Variants in CCDC150 observed in about 807,000 individuals in gnomAD.
The protein encoded by CCDC150 is coiled-coil domain containing 150.
Under a neutral mutation model 156.5 loss-of-function variants are expected in CCDC150, and 151 were observed. The ratio of observed to expected loss-of-function variants is 0.97; its 90% CI spans 0.85 to 1.10. CCDC150 has a LOEUF of 1.10. CCDC150 is among the 50% of genes least tolerant of loss of function. The probability of loss-of-function intolerance (pLI) is 0.00; values close to 1 mark genes in which losing one functional copy is unlikely to be tolerated. For missense variants in CCDC150, 1,312 were observed against 1,268.1 expected (o/e 1.03, Z -0.53); for synonymous variants, 452 against 429.4 (o/e 1.05, Z -0.65).
At chr2:196,668,015 AGGGGTTGAGCGT>A (rs1384819474) in intron 7 of CCDC150, 1 of 152,184 alleles carries the variant, frequency 6.6e-6, no homozygotes, top group Non-Finnish European at 1.5e-5. Context: ...AAGATACAAA[AGGGGTTGAGCGT>A]GGTGGCTCAG....
chr2:196,674,259 A>C lies in CCDC150; in HGVS notation c.1048A>C (p.Thr350Pro). Reference protein sequence around the residue: ...EKAQVLNDQLTKKCSELSCML... With the variant: ...EKAQVLNDQLPKKCSELSCML... Reference sequence around the variant, plus strand: ...TTCTTAGGTTTTGAATGACCAATTGACTAAAAAGTGTTCAGAGTTGAGCTG... The same window carrying C: ...TTCTTAGGTTTTGAATGACCAATTGCCTAAAAAGTGTTCAGAGTTGAGCTG... The change falls in exon 10 of 28, where the codon ACT becomes CCT. Residue 350 changes from threonine to proline, a missense_variant. Transcript: ENST00000389175. The C allele has an allele frequency of 6.3e-7, 1 of 1,598,494 alleles. No homozygotes were observed. Among genetic ancestry groups the C allele is most frequent in the Non-Finnish European group, 8.5e-7 (1 of 1,171,680 alleles).
chr2:196,674,613 C>T (rs553233331), intron 10 of CCDC150, among the ~76,000 whole-genome samples: 20 of 150,976 alleles, frequency 1.3e-4, no homozygotes, highest in African/African-American at 3.7e-4. Context: ...ATGGAGAACA[C>T]GTATGACTAA....
intron 10 of CCDC150, 103 bp from the exon 11 acceptor site, chr2:196,676,040 G>A: frequency 9.2e-7 from 1 of 1,084,898 alleles, no homozygotes; most frequent in Non-Finnish European, 1.3e-6. Flanking sequence ...AATGAAACTT[G>A]TTTTTTTAAG....
chr2:196,656,515 T>C (rs892831997), intron 2 of CCDC150, 118 bp from the exon 3 acceptor site: 3 of 693,824 alleles, frequency 4.3e-6, no homozygotes, highest in Admixed American at 2.6e-5. Context: ...CCTGCCATGT[T>C]GGTGATGTCA....
At chr2:196,689,871 T>A (rs896962427) in intron 13 of CCDC150, among the ~76,000 whole-genome samples, 2 of 152,228 alleles carry the variant, frequency 1.3e-5, no homozygotes, top group African/African-American at 2.4e-5. Flanking sequence ...AGTATGATAT[T>A]GGCTGTGGGT....
At chr2:196,728,377 G>A (rs1698332452) in intron 22 of CCDC150, among the ~76,000 whole-genome samples, 1 of 152,134 alleles carries the variant, frequency 6.6e-6, no homozygotes, top group Non-Finnish European at 1.5e-5. Flanking sequence ...AGAGAGAAAA[G>A]GTACAGATAT....
rs186726759 is a variant in CCDC150 at position 196,698,772 on chromosome 2, G to A, written c.1624-2337G>A. 1.1e-3 allele frequency among the ~76,000 whole-genome samples: 166 copies of A among 152,258 alleles called. No homozygotes were observed. In the East Asian group the frequency reaches 0.019, roughly 18 times the overall value. ...TGTTATATATGTATACATGTGCCAC[G>A]TTGGTGTGCTGCACCCATTAACTCG... is the stretch of plus-strand genomic sequence containing the variant. On this transcript the variant is annotated intron_variant, in intron 14 of 27. Coordinates refer to ENST00000389175, the MANE Select transcript of CCDC150 (RefSeq NM_001080539.2).
chr2:196,712,949 AT>A (rs1266794672), intron 17 of CCDC150: 1 of 539,326 alleles, frequency 1.9e-6, no homozygotes, highest in African/African-American at 1.9e-5. Context: ...TCATTAGGTT[AT>A]TTTTTAAATC....
chr2:196,688,623 C>T (rs1695256663), intron 13 of CCDC150, among the ~76,000 whole-genome samples: 1 of 152,030 alleles, frequency 6.6e-6, no homozygotes, highest in Non-Finnish European at 1.5e-5. Flanking sequence ...TGTTTGAGTT[C>T]ACTGTAGATT....
At chr2:196,643,851 A>G (rs1030511930) in intron 1 of CCDC150, among the ~76,000 whole-genome samples, 3 of 152,262 alleles carry the variant, frequency 2.0e-5, no homozygotes, top group East Asian at 1.9e-4. Context: ...TGGGCCTACT[A>G]TATGTAGAAG....
Position 196,695,106 on chromosome 2 carries a change from G to A in CCDC150, c.1570G>A (p.Ala524Thr), listed in dbSNP as rs1353388287. Reference protein sequence around the residue: ...QTLEEENKHLADQMASLELQQ... With the variant: ...QTLEEENKHLTDQMASLELQQ... Reference sequence around the variant, plus strand: ...TCTTGAAGAAGAGAATAAGCACCTGGCAGATCAAATGGCTTCCCTAGAACT... The same window carrying A: ...TCTTGAAGAAGAGAATAAGCACCTGACAGATCAAATGGCTTCCCTAGAACT... The change falls in exon 14 of 28, where the codon GCA becomes ACA. Residue 524 changes from alanine (A) to threonine (T), a missense_variant. Physicochemically the swap from Ala to Thr is moderately conservative, Grantham distance 58 (BLOSUM62 0). Transcript: ENST00000389175. 1 of 1,612,980 alleles carries A rather than the reference G, an allele frequency of 6.2e-7. No individual in the cohort carries two copies. Among genetic ancestry groups the A allele is most frequent in the Admixed American group, 1.7e-5 (1 of 59,964 alleles).
intron 17 of CCDC150, among the ~76,000 whole-genome samples, chr2:196,715,157 T>C (rs1490156099): frequency 6.6e-6 from 1 of 152,140 alleles, no homozygotes; most frequent in African/African-American, 2.4e-5. Flanking sequence ...TAGGACTTTT[T>C]CCTACTGATA....
Position 196,677,403 on chromosome 2 carries a change from T to G in CCDC150, c.1509+42T>G, listed in dbSNP as rs114814430. ...TTACTGATATTTCACTATATTTCCT[T>G]CTGTATTGCTGACTACCGTATCAGC... On this transcript the variant is annotated intron_variant, in intron 13 of 27. Coordinates refer to ENST00000389175, the MANE Select transcript of CCDC150 (RefSeq NM_001080539.2). The G allele has an allele frequency of 2.7e-4, 344 of 1,270,936 alleles. 4 individuals carry two copies. In the African/African-American group the frequency reaches 3.7e-3, roughly 14 times the overall value. 78.7% of individuals were successfully genotyped at this position (1,270,936 alleles called of 1,614,324 possible). A position where few individuals can be genotyped will look rare whatever the true frequency, so the allele number is the denominator to read the frequency against.
At position 196,732,157 on chromosome 2, in the gene CCDC150, G is replaced by T. The variant is rs1698552799; in HGVS notation, c.3189+5G>T. On this transcript the variant is annotated splice_donor_5th_base_variant and intron_variant, in intron 27 of 27. Transcript: ENST00000389175. The stretch of plus-strand genomic sequence containing the variant: ...GAAGACAGGTGGCAGGAAAAGGTAA[G>T]ATTAAGACATGGATGTCTTAAGCAA... 6.2e-7 allele frequency: 1 copy of T among 1,613,768 alleles called. No homozygotes were observed. Among genetic ancestry groups the T allele is most frequent in the Non-Finnish European group, 8.5e-7 (1 of 1,179,792 alleles).
chr2:196,656,954 G>A lies in CCDC150; in HGVS notation c.398-4G>A, dbSNP rs909877313. On this transcript the variant is annotated splice_polypyrimidine_tract_variant and splice_region_variant and intron_variant, in intron 3 of 27. Coordinates refer to ENST00000389175, the MANE Select transcript of CCDC150 (RefSeq NM_001080539.2). The stretch of plus-strand genomic sequence containing the variant: ...CTTGATGCCCCTCCTGTGCGGTCTG[G>A]TAGCTTTTCTGAAAGATCGACTGAA... 8 of 1,613,076 alleles carry A rather than the reference G, an allele frequency of 5.0e-6. No homozygotes were observed. The highest frequency in any genetic ancestry group is 6.8e-6 in the Non-Finnish European group (8 of 1,179,526).
At chr2:196,688,668 C>A (rs1001300909) in intron 13 of CCDC150, among the ~76,000 whole-genome samples, 3 of 151,880 alleles carry the variant, frequency 2.0e-5, no homozygotes, top group Non-Finnish European at 4.4e-5. Flanking sequence ...GAGTAGGTTG[C>A]GAAAATTTTC....
At chr2:196,681,798 T>C (rs916204921) in intron 13 of CCDC150, among the ~76,000 whole-genome samples, 1 of 152,158 alleles carries the variant, frequency 6.6e-6, no homozygotes, top group African/African-American at 2.4e-5. Flanking sequence ...CCTTTGTCTA[T>C]TTTTAAAAGG....
At chr2:196,729,169 C>T (rs1698390844) in intron 22 of CCDC150, 24 bp from the exon 23 acceptor site, 2 of 1,569,892 alleles carry the variant, frequency 1.3e-6, no homozygotes, top group South Asian at 1.2e-5. Context: ...AAAAATGTTT[C>T]AATTTTCTCC....
In CCDC150 at chr2:196,656,942, C is replaced by T; in HGVS notation, c.398-16C>T. The T allele has an allele frequency of 6.2e-7, 1 of 1,612,754 alleles. No individual in the cohort carries two copies. Among genetic ancestry groups the T allele is most frequent in the South Asian group, 1.1e-5 (1 of 90,926 alleles). On this transcript the variant is annotated splice_polypyrimidine_tract_variant and intron_variant, in intron 3 of 27. Transcript: ENST00000389175. Reference sequence around the variant, plus strand: ...TTCTTTCTGCTGCTTGATGCCCCTCCTGTGCGGTCTGGTAGCTTTTCTGAA... The same window carrying T: ...TTCTTTCTGCTGCTTGATGCCCCTCTTGTGCGGTCTGGTAGCTTTTCTGAA...
Sources: allele counts gnomAD v4.1 joint callset (sites outside exome capture counted in the v4.1 genomes callset), GRCh38; gene constraint gnomAD v4.1.1; transcripts MANE v1.5; gene names NCBI Gene and HGNC (gene_info 2026-07-23, HGNC 2026-07-21).